CELSR1: variants seen among roughly 807,000 people sequenced by gnomAD.
CELSR1 encodes the protein adhesion G protein-coupled receptor C1.
Under a neutral mutation model 249.1 loss-of-function variants are expected in CELSR1, and 110 were observed. That is an observed-to-expected ratio of 0.44 (90% confidence interval 0.38 to 0.52). The LOEUF (loss-of-function observed/expected upper bound fraction) is 0.52. CELSR1 is among the 20% of genes least tolerant of loss of function. The pLI, the probability that CELSR1 is intolerant of heterozygous loss-of-function variation, is 0.00. For synonymous variants in CELSR1, 2,113 were observed against 1,900.0 expected (o/e 1.11, Z -2.92); for missense variants, 4,109 against 4,296.4 (o/e 0.96, Z 1.22).
At position 46,398,064 on chromosome 22, in the gene CELSR1, C is replaced by T. The variant is rs2079170357; in HGVS notation, c.5527-216G>A. Among the ~76,000 whole-genome samples the T allele has an allele frequency of 3.3e-5, 5 of 152,248 alleles. No individual in the cohort carries two copies. In the South Asian group the frequency reaches 1.0e-3, roughly 32 times the overall value. ...GTGAGGAGCTCAGAGGGCACGCCAG[C>T]CTGAGCTCCTGGGGTGCGCGGTGGG... is the stretch of plus-strand genomic sequence containing the variant. On this transcript the variant is annotated intron_variant, in intron 11 of 34. Transcript: ENST00000674500. This position sits in a 1 kb window ranked among gnomAD's most constrained non-coding sequence, Gnocchi z 7.2.
rs912664022 is a variant in CELSR1, at chr22:46,393,053, G to C, written c.5964+1089C>G. ...GCTGTTGGAACCACCGCAGGCACTG[G>C]GGGGGGACACTACTGACATCACGAG... On this transcript the variant is annotated intron_variant, in intron 14 of 34. Transcript: ENST00000674500. The surrounding 1 kb of genome is among the most constrained non-coding windows in gnomAD (Gnocchi z 4.1). Among the ~76,000 whole-genome samples, 3 of 152,104 alleles carry C rather than the reference G, an allele frequency of 2.0e-5. No homozygotes were observed. The highest frequency in any genetic ancestry group is 2.1e-4 in the South Asian group (1 of 4,824).
intron 2 of CELSR1, among the ~76,000 whole-genome samples, chr22:46,460,098 C>A (rs2080003772): frequency 6.6e-6 from 1 of 152,078 alleles, no homozygotes; most frequent in Non-Finnish European, 1.5e-5. Context: ...GTCCCAGCTA[C>A]CCAGGAGGCA....
At position 46,437,787 on chromosome 22, in the gene CELSR1, C is replaced by T. The variant is rs562918741; in HGVS notation, c.4406+1402G>A. 2.0e-5 allele frequency among the ~76,000 whole-genome samples: 3 copies of T among 151,702 alleles called. No homozygotes were observed. Among genetic ancestry groups the T allele is most frequent in the Non-Finnish European group, 2.9e-5 (2 of 67,976 alleles). On this transcript the variant is annotated intron_variant, in intron 3 of 34. Transcript: ENST00000674500. This position sits in a 1 kb window ranked among gnomAD's most constrained non-coding sequence, Gnocchi z 4.9. ...AAAAAAACTGATGGTTCCCAACTGTCGCCCAAACCCCCTCTCTTTAGAATG... is the reference window on the plus strand; with the variant it reads ...AAAAAAACTGATGGTTCCCAACTGTTGCCCAAACCCCCTCTCTTTAGAATG...
Position 46,412,542 on chromosome 22 carries a change from GTTC to G in CELSR1, c.4612-786_4612-784del, listed in dbSNP as rs746179014. 1.4e-4 allele frequency among the ~76,000 whole-genome samples: 21 copies of G among 152,302 alleles called. No individual in the cohort carries two copies. Among genetic ancestry groups the G allele is most frequent in the Non-Finnish European group, 2.1e-4 (14 of 68,022 alleles). ...CTCTGGGCCAGGATTGGGTACAAGA[GTTC>G]TTCTGGAATCAGTGACCTTGGGTGA... On this transcript the variant is annotated intron_variant, in intron 5 of 34. Coordinates refer to ENST00000674500, the MANE Select transcript of CELSR1 (RefSeq NM_001378328.1). This position sits in a 1 kb window ranked among gnomAD's most constrained non-coding sequence, Gnocchi z 4.5.
rs2080642663 is a variant in CELSR1 at position 46,517,717 on chromosome 22, C to T, written c.3544+15910G>A. 2.0e-5 allele frequency among the ~76,000 whole-genome samples: 3 copies of T among 152,146 alleles called. No individual in the cohort carries two copies. In the South Asian group the frequency reaches 6.2e-4, roughly 32 times the overall value. On this transcript the variant is annotated intron_variant, in intron 1 of 34. Coordinates refer to ENST00000674500, the MANE Select transcript of CELSR1 (RefSeq NM_001378328.1). This position sits in a 1 kb window ranked among gnomAD's most constrained non-coding sequence, Gnocchi z 5.4. ...TCTCCTCTTTGAAGAATTGGGAGAACTTGCGATTATGTGTTAGAATTTTCC... is the reference window on the plus strand; with the variant it reads ...TCTCCTCTTTGAAGAATTGGGAGAATTTGCGATTATGTGTTAGAATTTTCC...
At chr22:46,453,365 C>G (rs1321583048) in intron 2 of CELSR1, among the ~76,000 whole-genome samples, 2 of 152,194 alleles carry the variant, frequency 1.3e-5, no homozygotes, top group Admixed American at 1.3e-4. Context: ...CCTGGCCACA[C>G]CAGTGCGGGC....
At chr22:46,503,157 CACAGG>C (rs1387194355) in intron 1 of CELSR1, among the ~76,000 whole-genome samples, 1 of 152,194 alleles carries the variant, frequency 6.6e-6, no homozygotes, top group Non-Finnish European at 1.5e-5. Context: ...TAGCTATAAT[CACAGG>C]ACAGGGACAG....
At chr22:46,493,239 G>C (rs1195078804) in intron 1 of CELSR1, among the ~76,000 whole-genome samples, 1 of 151,936 alleles carries the variant, frequency 6.6e-6, no homozygotes. Context: ...AGCAGAAAAA[G>C]ACCCTGACTC....
At chr22:46,385,659 G>GC (rs2079023887) in intron 19 of CELSR1, among the ~76,000 whole-genome samples, 1 of 151,028 alleles carries the variant, frequency 6.6e-6, no homozygotes, top group South Asian at 2.1e-4. Context: ...GGAAACAGAG[G>GC]CCTACCTGCC....
At position 46,441,561 on chromosome 22, in the gene CELSR1, G is replaced by A. The variant is rs905485012; in HGVS notation, c.4184-2150C>T. Reference sequence around the variant, plus strand: ...CTGGAGGTTGGAAGCCCAACATCACGCTTCCAGCTGAGGTGGCCTCTGTGG... The same window carrying A: ...CTGGAGGTTGGAAGCCCAACATCACACTTCCAGCTGAGGTGGCCTCTGTGG... On this transcript the variant is annotated intron_variant, in intron 2 of 34. Transcript: ENST00000674500. The surrounding 1 kb of genome is among the most constrained non-coding windows in gnomAD (Gnocchi z 6.1). 4.6e-5 allele frequency among the ~76,000 whole-genome samples: 7 copies of A among 152,136 alleles called. No individual in the cohort carries two copies. Among genetic ancestry groups the A allele is most frequent in the Non-Finnish European group, 8.8e-5 (6 of 68,020 alleles).
intron 2 of CELSR1, among the ~76,000 whole-genome samples, chr22:46,462,462 A>C (rs556025581): frequency 6.6e-6 from 1 of 152,294 alleles, no homozygotes; most frequent in East Asian, 1.9e-4. Context: ...TGCCTGATAA[A>C]TACCTGCTAA....
rs1216329221 is a variant in CELSR1, at chr22:46,518,354, C to T, written c.3544+15273G>A. Among the ~76,000 whole-genome samples the T allele has an allele frequency of 6.6e-6, 1 of 152,234 alleles. No homozygotes were observed. The highest frequency in any genetic ancestry group is 1.5e-5 in the Non-Finnish European group (1 of 68,048). ...GCTCAGCCCGTGCCACACTCAGTCT[C>T]GTTAGAGGAGAACGAAGGGAGTGGG... On this transcript the variant is annotated intron_variant, in intron 1 of 34. Transcript: ENST00000674500. This position sits in a 1 kb window ranked among gnomAD's most constrained non-coding sequence, Gnocchi z 5.2.
rs2079014277 is a variant in CELSR1 at position 46,384,704 on chromosome 22, T to C, written c.6740-18A>G. ...AGCAAGAACTGGGGGGACAGTTCCTTTAATCAGACATAACTCCCAGGGCTT... is the reference window on the plus strand; with the variant it reads ...AGCAAGAACTGGGGGGACAGTTCCTCTAATCAGACATAACTCCCAGGGCTT... On this transcript the variant is annotated intron_variant, in intron 19 of 34. Coordinates refer to ENST00000674500, the MANE Select transcript of CELSR1 (RefSeq NM_001378328.1). 6.2e-7 allele frequency: 1 copy of C among 1,606,634 alleles called. No individual in the cohort carries two copies.
rs1475795903 is a variant in CELSR1 at position 46,512,488 on chromosome 22, C to G, written c.3544+21139G>C. ...GTAGAAGGCTGAGGCACGAGAATTG[C>G]TTGAACCCGGGAGGCGGAGGTTTCA... On this transcript the variant is annotated intron_variant, in intron 1 of 34. Coordinates refer to ENST00000674500, the MANE Select transcript of CELSR1 (RefSeq NM_001378328.1). The surrounding 1 kb of genome is among the most constrained non-coding windows in gnomAD (Gnocchi z 5.2). Among the ~76,000 whole-genome samples the G allele has an allele frequency of 6.6e-6, 1 of 152,166 alleles. No individual in the cohort carries two copies. The highest frequency in any genetic ancestry group is 1.5e-5 in the Non-Finnish European group (1 of 68,030).
At chr22:46,491,114 C>T (rs779322376) in intron 1 of CELSR1, among the ~76,000 whole-genome samples, 2 of 152,202 alleles carry the variant, frequency 1.3e-5, no homozygotes, top group East Asian at 3.9e-4. Context: ...CACAGAGCAG[C>T]ATCCCCCACC....
rs1235449530 is a variant in CELSR1 at position 46,440,309 on chromosome 22, G to T, written c.4184-898C>A. Among the ~76,000 whole-genome samples, 2 of 152,302 alleles carry T rather than the reference G, an allele frequency of 1.3e-5. No individual in the cohort carries two copies. The highest frequency in any genetic ancestry group is 4.1e-4 in the South Asian group (2 of 4,820). ...CGCCCCCGGACAGGGATGGTGAGCC[G>T]CAATCTGCACAGCCCATGCTGCCTC... On this transcript the variant is annotated intron_variant, in intron 2 of 34. Transcript: ENST00000674500. This position sits in a 1 kb window ranked among gnomAD's most constrained non-coding sequence, Gnocchi z 4.7.
chr22:46,512,651 C>G lies in CELSR1; in HGVS notation c.3544+20976G>C, dbSNP rs908494637. ...AGCCAGGAGGCCTCAAATGGCCTCA[C>G]CACAGGTCCCCCGCCCCACTCTGCT... On this transcript the variant is annotated intron_variant, in intron 1 of 34. Coordinates refer to ENST00000674500, the MANE Select transcript of CELSR1 (RefSeq NM_001378328.1). This position sits in a 1 kb window ranked among gnomAD's most constrained non-coding sequence, Gnocchi z 5.2. Among the ~76,000 whole-genome samples the G allele has an allele frequency of 6.6e-6, 1 of 152,186 alleles. No individual in the cohort carries two copies. Among genetic ancestry groups the G allele is most frequent in the Non-Finnish European group, 1.5e-5 (1 of 68,034 alleles).
rs1209262295 is a variant in CELSR1 at position 46,500,143 on chromosome 22, C to A, written c.3544+33484G>T. On this transcript the variant is annotated intron_variant, in intron 1 of 34. Transcript: ENST00000674500. The surrounding 1 kb of genome is among the most constrained non-coding windows in gnomAD (Gnocchi z 4.9). ...CCACCCCAGCCCCTGGTCCTCCCAG[C>A]ATGATCCCACCCCAGCCCCTGGTCC... Among the ~76,000 whole-genome samples the A allele has an allele frequency of 6.6e-6, 1 of 150,588 alleles. No individual in the cohort carries two copies. Among genetic ancestry groups the A allele is most frequent in the African/African-American group, 2.4e-5 (1 of 40,944 alleles).
At chr22:46,397,527 G>GC in intron 12 of CELSR1, 147 bp downstream of exon 12, 1 of 698,244 alleles carries the variant, frequency 1.4e-6, no homozygotes, top group Non-Finnish European at 2.1e-6. Flanking sequence ...TCTAGGAGGG[G>GC]CCCGCTTGTT....
Sources: gnomAD v4.1 joint callset for allele counts (sites outside exome capture counted in the v4.1 genomes callset) on GRCh38, gnomAD v4.1.1 for gene constraint, Gnocchi (gnomAD v3.1) non-coding constraint, MANE v1.5 for transcripts, NCBI Gene and HGNC (gene_info 2026-07-23, HGNC 2026-07-21) for gene names.